CHRM2: variants seen among roughly 807,000 people sequenced by gnomAD.
CHRM2 encodes muscarinic acetylcholine receptor M2.
In CHRM2, 8 loss-of-function variants were observed where a neutral mutation model predicts 25.0. The observed-to-expected ratio is 0.32, with a 90% CI of 0.19 to 0.58. The LOEUF (loss-of-function observed/expected upper bound fraction) is 0.58, where lower values mean the gene tolerates loss of function less well. CHRM2 is among the 20% of genes least tolerant of loss of function. The pLI is 0.88. For synonymous variants in CHRM2, 202 were observed against 205.7 expected (o/e 0.98, Z 0.15); for missense variants, 440 against 567.1 (o/e 0.78, Z 2.28).
intron 2 of CHRM2, among the ~76,000 whole-genome samples, chr7:136,948,130 A>G (rs1325799617): frequency 6.6e-6 from 1 of 152,142 alleles, no homozygotes; most frequent in Non-Finnish European, 1.5e-5. Flanking sequence ...CAGATTCTAT[A>G]CAACAGCAAA....
intron 2 of CHRM2, among the ~76,000 whole-genome samples, chr7:136,970,158 T>C (rs752798788): frequency 7.2e-5 from 11 of 152,142 alleles, no homozygotes; most frequent in Admixed American, 2.6e-4. Flanking sequence ...ACATAAAAAT[T>C]TGGGAGGTGG....
intron 2 of CHRM2, among the ~76,000 whole-genome samples, chr7:136,890,343 G>A (rs1376115573): frequency 6.6e-6 from 1 of 152,166 alleles, no homozygotes; most frequent in African/African-American, 2.4e-5. Context: ...TGTGTGTACT[G>A]CTAAGAAAAA....
intron 2 of CHRM2, among the ~76,000 whole-genome samples, chr7:136,982,629 C>A (rs1802560407): frequency 6.6e-6 from 1 of 152,104 alleles, no homozygotes; most frequent in Non-Finnish European, 1.5e-5. Flanking sequence ...TCTTGTAAGG[C>A]AGGCCTGGGG....
chr7:136,935,618 C>A (rs993434742), intron 2 of CHRM2, among the ~76,000 whole-genome samples: 4 of 152,166 alleles, frequency 2.6e-5, no homozygotes, highest in Non-Finnish European at 5.9e-5. Flanking sequence ...TAAGTGGCCC[C>A]ACTCTGCAAT....
chr7:136,967,933 T>C (rs1801516672), intron 2 of CHRM2, among the ~76,000 whole-genome samples: 1 of 152,046 alleles, frequency 6.6e-6, no homozygotes, highest in African/African-American at 2.4e-5. Context: ...TGTTGATTTT[T>C]TTTTTTACTC....
chr7:136,985,801 A>C (rs1802818262), intron 2 of CHRM2, among the ~76,000 whole-genome samples: 1 of 152,156 alleles, frequency 6.6e-6, no homozygotes, highest in South Asian at 2.1e-4. Flanking sequence ...GGTTGTATGG[A>C]GTTCACTCAC....
chr7:136,896,470 CA>C (rs1425371200), intron 2 of CHRM2, among the ~76,000 whole-genome samples: 7 of 152,124 alleles, frequency 4.6e-5, no homozygotes, highest in Non-Finnish European at 8.8e-5. Flanking sequence ...TAGTAATCTC[CA>C]GCTGGATGAT....
chr7:136,911,236 T>C (rs1435121207), intron 2 of CHRM2, among the ~76,000 whole-genome samples: 3 of 151,952 alleles, frequency 2.0e-5, no homozygotes, highest in East Asian at 3.9e-4. Flanking sequence ...TATCTAGTAA[T>C]GTATCCAGTA....
intron 3 of CHRM2, among the ~76,000 whole-genome samples, chr7:137,009,798 A>G (rs542157680): frequency 6.6e-6 from 1 of 152,036 alleles, no homozygotes; most frequent in Non-Finnish European, 1.5e-5. Flanking sequence ...TGCTCAAGAC[A>G]TGTTAATTAT....
intron 2 of CHRM2, among the ~76,000 whole-genome samples, chr7:136,974,193 G>T (rs1334699119): frequency 6.6e-6 from 1 of 152,018 alleles, no homozygotes; most frequent in Non-Finnish European, 1.5e-5. Flanking sequence ...TTACTGATTT[G>T]GGCACAGAGA....
chr7:137,011,215 G>GTGTGTATATATATA, intron 3 of CHRM2, among the ~76,000 whole-genome samples: 55 of 134,324 alleles, frequency 4.1e-4, no homozygotes, highest in African/African-American at 1.6e-3. Context: ...GTGTGTGTGT[G>GTGTGTATATATATA]TATATATATA....
intron 2 of CHRM2, among the ~76,000 whole-genome samples, chr7:136,986,577 A>G: frequency 6.6e-6 from 1 of 152,180 alleles, no homozygotes; most frequent in East Asian, 1.9e-4. Flanking sequence ...TCATCAATTA[A>G]GATATATTTG....
chr7:136,873,555 C>T (rs745954596), intron 2 of CHRM2, among the ~76,000 whole-genome samples: 32 of 152,168 alleles, frequency 2.1e-4, no homozygotes, highest in Non-Finnish European at 4.3e-4. Context: ...TTATTTTCTA[C>T]AGGAAGAAAT....
At chr7:136,957,677 T>C (rs959855825) in intron 2 of CHRM2, among the ~76,000 whole-genome samples, 6 of 152,220 alleles carry the variant, frequency 3.9e-5, no homozygotes, top group Non-Finnish European at 7.3e-5. Flanking sequence ...TGTATAAACA[T>C]ATCTATTGTG....
At chr7:136,952,194 A>T (rs2130859006) in intron 2 of CHRM2, among the ~76,000 whole-genome samples, 1 of 152,320 alleles carries the variant, frequency 6.6e-6, no homozygotes, top group East Asian at 1.9e-4. Flanking sequence ...AACATTTGGA[A>T]CAGGACAAAT....
chr7:136,966,273 T>C (rs1801411280), intron 2 of CHRM2, among the ~76,000 whole-genome samples: 1 of 151,978 alleles, frequency 6.6e-6, no homozygotes, highest in South Asian at 2.1e-4. Context: ...TATTCATTTG[T>C]TTGTATAGGT....
intron 3 of CHRM2, among the ~76,000 whole-genome samples, chr7:136,993,943 A>T (rs1006936024): frequency 6.6e-6 from 1 of 152,192 alleles, no homozygotes; most frequent in Non-Finnish European, 1.5e-5. Flanking sequence ...ATTCAATGAT[A>T]AATAAATAAG....
intron 2 of CHRM2, chr7:136,902,569 T>G (rs907948551): frequency 6.6e-6 from 1 of 152,488 alleles, no homozygotes; most frequent in Admixed American, 6.6e-5. Flanking sequence ...AGCAGCCACT[T>G]TCTTTCTCGA....
At chr7:136,965,986 T>G (rs1446950333) in intron 2 of CHRM2, among the ~76,000 whole-genome samples, 1 of 151,958 alleles carries the variant, frequency 6.6e-6, no homozygotes, top group Non-Finnish European at 1.5e-5. Flanking sequence ...GCTCTTCCCT[T>G]TAGAATATGC....
Sources: gnomAD v4.1 joint callset for allele counts (sites outside exome capture counted in the v4.1 genomes callset) on GRCh38, gnomAD v4.1.1 for gene constraint, MANE v1.5 for transcripts, NCBI Gene and HGNC (gene_info 2026-07-23, HGNC 2026-07-21) for gene names.